TMEM120B: variants seen among roughly 807,000 people sequenced by gnomAD.
TMEM120B encodes the protein transmembrane protein 120B.
TMEM120B carries 31 observed loss-of-function variants against 55.5 expected under a neutral mutation model. That is an observed-to-expected ratio of 0.56 (90% CI 0.42 to 0.75). The LOEUF (loss-of-function observed/expected upper bound fraction) is 0.75. TMEM120B is among the 30% of genes least tolerant of loss of function. The pLI is 0.00. For missense variants in TMEM120B, 399 were observed against 425.5 expected (o/e 0.94, Z 0.55); for synonymous variants, 203 against 176.3 (o/e 1.15, Z -1.20).
rs745469188 is a variant in TMEM120B, at chr12:121,771,582, G to C, written c.679+33G>C. On this transcript the variant is annotated intron_variant, in intron 8 of 11. Transcript: ENST00000449592. ...ACTGTTGCCTGGATTTGGGGGAAGGGACATGGTTTTCTGAGACTTTCACCA... is the reference window on the plus strand; with the variant it reads ...ACTGTTGCCTGGATTTGGGGGAAGGCACATGGTTTTCTGAGACTTTCACCA... 4.4e-6 allele frequency: 7 copies of C among 1,603,598 alleles called. No individual in the cohort carries two copies. In the Admixed American group the frequency reaches 1.0e-4, roughly 23 times the overall value.
chr12:121,732,092 G>A lies in TMEM120B; in HGVS notation c.70-11537G>A, dbSNP rs145075510. Among the ~76,000 whole-genome samples, 5 of 152,278 alleles carry A rather than the reference G, an allele frequency of 3.3e-5. No individual in the cohort carries two copies. The East Asian group carries it at 5.8e-4, about 18-fold the overall frequency. On this transcript the variant is annotated intron_variant, in intron 1 of 11. Transcript: ENST00000449592. Reference sequence around the variant, plus strand: ...GCAGAGGTTGCAGTGAGCAGAGATCGGGCCATTGCACTCCAGCCTGGGCAG... The same window carrying A: ...GCAGAGGTTGCAGTGAGCAGAGATCAGGCCATTGCACTCCAGCCTGGGCAG...
intron 1 of TMEM120B, 63 bp downstream of exon 1, chr12:121,713,027 G>A: frequency 7.2e-7 from 1 of 1,383,054 alleles, no homozygotes; most frequent in Non-Finnish European, 9.7e-7. Flanking sequence ...TGCCCTTCCT[G>A]AGCCCCCCGG....
intron 3 of TMEM120B, 30 bp downstream of exon 3, chr12:121,748,472 C>A: frequency 6.7e-7 from 1 of 1,490,990 alleles, no homozygotes; most frequent in Non-Finnish European, 9.3e-7. Context: ...CCACCCCTAG[C>A]ACAGGCCCAT....
chr12:121,727,648 C>T (rs1333860960), intron 1 of TMEM120B, among the ~76,000 whole-genome samples: 3 of 150,972 alleles, frequency 2.0e-5, no homozygotes, highest in Admixed American at 6.6e-5. Flanking sequence ...CCGAGGCGGG[C>T]GGATCACGAG....
chr12:121,721,475 CCTT>C (rs1356634443), intron 1 of TMEM120B, among the ~76,000 whole-genome samples: 2 of 150,530 alleles, frequency 1.3e-5, no homozygotes, highest in African/African-American at 4.9e-5. Flanking sequence ...GCCTGGTCCT[CCTT>C]TTTTTTTTTC....
Position 121,775,844 on chromosome 12 carries a change from T to A in TMEM120B, c.*122T>A. On this transcript the variant is annotated 3_prime_UTR_variant, in exon 12 of 12. Coordinates refer to ENST00000449592, the MANE Select transcript of TMEM120B (RefSeq NM_001080825.2). This position sits in a 1 kb window ranked among gnomAD's most constrained non-coding sequence, Gnocchi z 4.3. ...GAGGGCCCAGGCCCTGGTCCCCCAGTGGACCCCAGTGGTCTAGAGGAATGT... is the reference window on the plus strand; with the variant it reads ...GAGGGCCCAGGCCCTGGTCCCCCAGAGGACCCCAGTGGTCTAGAGGAATGT... 1 of 986,278 alleles carries A rather than the reference T, an allele frequency of 1.0e-6. No individual in the cohort carries two copies. Among genetic ancestry groups the A allele is most frequent in the South Asian group, 1.3e-5 (1 of 74,288 alleles). The allele number at this position is 986,278 out of a possible 1,614,324, so 61.1% of individuals were successfully genotyped here.
At chr12:121,769,546 A>T (rs1873960785) in intron 6 of TMEM120B, among the ~76,000 whole-genome samples, 1 of 152,152 alleles carries the variant, frequency 6.6e-6, no homozygotes, top group Non-Finnish European at 1.5e-5. Flanking sequence ...TCTCTAAAAA[A>T]AAAAAAATTT....
chr12:121,747,868 G>A (rs1873139217), intron 2 of TMEM120B, among the ~76,000 whole-genome samples: 1 of 28,606 alleles, frequency 3.5e-5, no homozygotes, highest in African/African-American at 1.4e-4. Flanking sequence ...GGTAGAAGGT[G>A]GGAGGCACTG....
intron 1 of TMEM120B, among the ~76,000 whole-genome samples, chr12:121,740,601 C>T (rs983343485): frequency 1.3e-5 from 2 of 151,556 alleles, no homozygotes; most frequent in Non-Finnish European, 2.9e-5. Context: ...GGTCTTCATC[C>T]TTTGTGTCTT....
chr12:121,772,075 T>C (rs1185356882), intron 8 of TMEM120B, among the ~76,000 whole-genome samples: 5 of 143,298 alleles, frequency 3.5e-5, no homozygotes, highest in African/African-American at 1.4e-4. Flanking sequence ...TTCTTTTTCT[T>C]TCTTTCTCTT....
intron 5 of TMEM120B, among the ~76,000 whole-genome samples, chr12:121,753,584 A>C (rs10840614): frequency 0.5 from 74,414 of 148,846 alleles, 19,055 homozygotes; most frequent in Middle Eastern, 0.66. Flanking sequence ...AACAAACAAA[A>C]AAAAAAAGAA....
Position 121,770,970 on chromosome 12 carries a change from C to G in TMEM120B, c.615C>G (p.Thr205=), listed in dbSNP as rs960183311. 3.1e-6 allele frequency: 5 copies of G among 1,613,780 alleles called. No homozygotes were observed. The highest frequency in any genetic ancestry group is 1.3e-5 in the African/African-American group (1 of 74,910). Reference sequence around the variant, plus strand: ...CATTCCTGTCCGGAGTGATGCTGACCTGGTGAGTAGCCCCTCGCTGGGCCC... The same window carrying G: ...CATTCCTGTCCGGAGTGATGCTGACGTGGTGAGTAGCCCCTCGCTGGGCCC... The part of the protein sequence containing the change: ...VSTFLSGVML[T]WPNGPIYQKF... Residue 205 remains threonine, a splice_region_variant and synonymous_variant, in exon 7 of 12, where the codon ACC becomes ACG. Coordinates refer to ENST00000449592, the MANE Select transcript of TMEM120B (RefSeq NM_001080825.2).
At chr12:121,759,551 G>A (rs113387450) in intron 5 of TMEM120B, among the ~76,000 whole-genome samples, 12,959 of 151,554 alleles carry the variant, frequency 0.086, 991 homozygotes, top group African/African-American at 0.2. Flanking sequence ...GGTGGCAGGC[G>A]CCTGTAATCC....
At chr12:121,737,440 G>A (rs375482165) in intron 1 of TMEM120B, among the ~76,000 whole-genome samples, 2 of 152,062 alleles carry the variant, frequency 1.3e-5, no homozygotes, top group Non-Finnish European at 2.9e-5. Flanking sequence ...AGGAGGCGGA[G>A]GTTGCAGTAA....
chr12:121,712,783 C>T lies in TMEM120B; in HGVS notation c.-113C>T. ...GCGCGTGGCTCTGGCTGCGCAGGAA[C>T]AGCTGGTGCCTCCGAGGGCGGTCGG... On this transcript the variant is annotated 5_prime_UTR_variant, in exon 1 of 12. Coordinates refer to ENST00000449592, the MANE Select transcript of TMEM120B (RefSeq NM_001080825.2). The T allele has an allele frequency of 2.9e-6, 2 of 682,698 alleles. No homozygotes were observed. Among genetic ancestry groups the T allele is most frequent in the Non-Finnish European group, 4.1e-6 (2 of 486,416 alleles). The allele number at this position is 682,698 out of a possible 1,614,324, so 42.3% of individuals were successfully genotyped here. A position where few individuals can be genotyped will look rare whatever the true frequency, so the allele number is the denominator to read the frequency against.
rs1268824607 is a variant in TMEM120B, at chr12:121,778,266, C to T, written c.*2544C>T. On this transcript the variant is annotated 3_prime_UTR_variant, in exon 12 of 12. Transcript: ENST00000449592. Reference sequence around the variant, plus strand: ...AGGAGTTCAAGACCAGCCTGGCCAACATGGTGAAACCCTGTCTCTACTAAA... The same window carrying T: ...AGGAGTTCAAGACCAGCCTGGCCAATATGGTGAAACCCTGTCTCTACTAAA... 3 of 152,100 alleles carry T rather than the reference C, an allele frequency of 2.0e-5. No individual in the cohort carries two copies. The highest frequency in any genetic ancestry group is 2.0e-4 in the Admixed American group (3 of 15,264). The allele number at this position is 152,100 out of a possible 1,614,324, so 9.4% of individuals were successfully genotyped here. A position where few individuals can be genotyped will look rare whatever the true frequency, so the allele number is the denominator to read the frequency against.
At chr12:121,727,270 TC>T (rs1405638652) in intron 1 of TMEM120B, among the ~76,000 whole-genome samples, 1 of 151,864 alleles carries the variant, frequency 6.6e-6, no homozygotes, top group Non-Finnish European at 1.5e-5. Flanking sequence ...GGGCCATGGC[TC>T]ATGCCTGTCA....
chr12:121,779,778 G>T lies in TMEM120B; in HGVS notation c.*4056G>T. 3 of 1,118,184 alleles carry T rather than the reference G, an allele frequency of 2.7e-6. No homozygotes were observed. Among genetic ancestry groups the T allele is most frequent in the Admixed American group, 2.2e-5 (1 of 45,120 alleles). The allele number at this position is 1,118,184 out of a possible 1,614,324, so 69.3% of individuals were successfully genotyped here. ...TGCAGGGATGGAGGCCTTGGTTTGGGCCTGTCTGTCTCCTCCATCCTGGCT... is the reference window on the plus strand; with the variant it reads ...TGCAGGGATGGAGGCCTTGGTTTGGTCCTGTCTGTCTCCTCCATCCTGGCT... On this transcript the variant is annotated 3_prime_UTR_variant, in exon 12 of 12. Transcript: ENST00000449592.
chr12:121,743,656 C>T lies in TMEM120B; in HGVS notation c.97C>T (p.Leu33=). The change falls in exon 2 of 12, where the codon CTG becomes TTG. Residue 33 remains leucine (L), a synonymous_variant. Coordinates refer to ENST00000449592, the MANE Select transcript of TMEM120B (RefSeq NM_001080825.2). ...QETHRIYKQK[L]EELAALQTLC... ...GACGCACAGGATCTACAAGCAGAAG[C>T]TGGAGGAGCTGGCTGCGCTGCAGAC... The T allele has an allele frequency of 6.2e-7, 1 of 1,613,656 alleles. No individual in the cohort carries two copies. Among genetic ancestry groups the T allele is most frequent in the East Asian group, 2.2e-5 (1 of 44,872 alleles).
Sources: gnomAD v4.1 joint callset for allele counts (sites outside exome capture counted in the v4.1 genomes callset) on GRCh38, gnomAD v4.1.1 for gene constraint, Gnocchi (gnomAD v3.1) non-coding constraint, MANE v1.5 for transcripts, NCBI Gene and HGNC (gene_info 2026-07-23, HGNC 2026-07-21) for gene names.